The following GET1 variants were observed in gnomAD, a reference collection of about 807,000 sequenced individuals.
The protein encoded by GET1 is congenital heart disease 5 protein.
GET1 carries 20 observed loss-of-function variants against 22.6 expected under a neutral mutation model. The observed-to-expected ratio is 0.89, with a 90% CI of 0.62 to 1.29. GET1 has a LOEUF of 1.29. GET1 is among the 50% of genes most tolerant of loss of function. The pLI, the probability that GET1 is intolerant of heterozygous loss-of-function variation, is 0.00. For missense variants in GET1, 209 were observed against 219.9 expected (o/e 0.95, Z 0.31); for synonymous variants, 92 against 83.8 (o/e 1.10, Z -0.53).
At chr21:39,417,921 A>C (rs1006345261) in intron 1 of GET1, among the ~76,000 whole-genome samples, 1 of 152,084 alleles carries the variant, frequency 6.6e-6, no homozygotes, top group African/African-American at 2.4e-5. Context: ...GCCCGCCACC[A>C]TGCCTGGTTA....
chr21:39,391,885 C>T (rs2038319868), intron 3 of GET1, 49 bp downstream of exon 3: 1 of 1,586,324 alleles, frequency 6.3e-7, no homozygotes, highest in African/African-American at 1.3e-5. Flanking sequence ...GTGACCCCGG[C>T]CTCCAGAGCC....
At chr21:39,385,699 G>A (rs1242066881) in intron 1 of GET1, among the ~76,000 whole-genome samples, 1 of 151,546 alleles carries the variant, frequency 6.6e-6, no homozygotes, top group African/African-American at 2.4e-5. Context: ...CTACGCAGGC[G>A]TCGCAGGACT....
chr21:39,383,374 C>T (rs561517656), intron 1 of GET1, among the ~76,000 whole-genome samples: 19 of 151,894 alleles, frequency 1.3e-4, no homozygotes, highest in South Asian at 4.2e-4. Context: ...CTCTGCCCCC[C>T]GAGTTCAAGA....
At chr21:39,385,252 G>A (rs2037808635) in intron 1 of GET1, among the ~76,000 whole-genome samples, 1 of 152,106 alleles carries the variant, frequency 6.6e-6, no homozygotes, top group Admixed American at 6.6e-5. Flanking sequence ...AGTTAGGGAG[G>A]CAGCACCCCG....
downstream of GET1, chr21:39,411,005 C>T (rs1294669561): frequency 2.0e-5 from 9 of 457,342 alleles, no homozygotes; most frequent in Middle Eastern, 3.3e-4. Context: ...AAGCAGTGCA[C>T]GTGCTCTTGA....
chr21:39,407,769 C>G (rs531583109), downstream of GET1: 1 of 152,274 alleles, frequency 6.6e-6, no homozygotes, highest in East Asian at 1.9e-4. Flanking sequence ...AAGTATTTGT[C>G]AAATGAATGG....
At position 39,380,466 on chromosome 21, in the gene GET1, C is replaced by T. The variant is rs1030563207; in HGVS notation, c.82C>T (p.Leu28Phe). The T allele has an allele frequency of 1.2e-6, 2 of 1,612,912 alleles. No individual in the cohort carries two copies. Among genetic ancestry groups the T allele is most frequent in the South Asian group, 1.1e-5 (1 of 90,682 alleles). ...VFGCNVLRILLPSFSSFMSRV... is the reference protein window; with the variant it reads ...VFGCNVLRILFPSFSSFMSRV... ...TGGATGCAATGTTCTTAGGATCCTC[C>T]TCCCGTCCTTCTCATCCTTCGTAAG... Residue 28 changes from leucine to phenylalanine, a missense_variant, in exon 1 of 5, where the codon CTC (leucine) becomes TTC (phenylalanine). Transcript: ENST00000649170.
intron 4 of GET1, among the ~76,000 whole-genome samples, chr21:39,395,346 T>C (rs1370298442): frequency 1.3e-5 from 2 of 149,698 alleles, no homozygotes; most frequent in African/African-American, 4.9e-5. Context: ...TAGAGGTGAA[T>C]ACTGTATCAA....
chr21:39,391,962 G>A, intron 3 of GET1, 126 bp downstream of exon 3: 4 of 852,618 alleles, frequency 4.7e-6, no homozygotes, highest in South Asian at 4.2e-5. Flanking sequence ...GTGTGTCCCT[G>A]CCCACATGGA....
chr21:39,384,670 C>A (rs1417761215), intron 1 of GET1, among the ~76,000 whole-genome samples: 1 of 151,766 alleles, frequency 6.6e-6, no homozygotes, highest in Non-Finnish European at 1.5e-5. Flanking sequence ...TTTCGTCACC[C>A]AGTTATTAAG....
At chr21:39,422,959 G>C in intron 1 of GET1, 1 of 1,609,122 alleles carries the variant, frequency 6.2e-7, no homozygotes, top group Non-Finnish European at 8.5e-7. Context: ...AACTGTCTGG[G>C]CCCCTGAAAT....
intron 4 of GET1, 128 bp downstream of exon 4, chr21:39,393,408 C>T (rs374704894): frequency 1.4e-6 from 1 of 721,892 alleles, no homozygotes; most frequent in Non-Finnish European, 2.3e-6. Context: ...TGTGTCTCAG[C>T]CTCACATGAG....
chr21:39,392,371 A>G (rs1442343910), intron 3 of GET1, among the ~76,000 whole-genome samples: 1 of 152,038 alleles, frequency 6.6e-6, no homozygotes, highest in East Asian at 1.9e-4. Flanking sequence ...AGACACCTTT[A>G]GCAGCTGCCG....
chr21:39,405,235 T>C (rs1023220797), intron 4 of GET1, among the ~76,000 whole-genome samples: 5 of 152,202 alleles, frequency 3.3e-5, no homozygotes, highest in Non-Finnish European at 7.3e-5. Flanking sequence ...CTCACTCCGA[T>C]TGCCCAAGCT....
At chr21:39,404,183 T>C (rs2038927731) in intron 4 of GET1, among the ~76,000 whole-genome samples, 1 of 152,236 alleles carries the variant, frequency 6.6e-6, no homozygotes, top group African/African-American at 2.4e-5. Flanking sequence ...GCTGGGAGTA[T>C]AGCCTCCTTT....
Position 39,393,205 on chromosome 21 carries a change from G to A in GET1, c.376G>A (p.Val126Ile), listed in dbSNP as rs150225709. ...CTCACTCATTTGGAAGTATTATTCT[G>A]TCCCTGTGGCTGTCGTGCCGAGTAA... ...MISLIWKYYS[V>I]PVAVVPSKWI... Residue 126 changes from valine (V) to isoleucine (I), a missense_variant, in exon 4 of 5, where the codon GTC (valine) becomes ATC (isoleucine). By Grantham distance (29) the Val-to-Ile change is conservative. Coordinates refer to ENST00000649170, the MANE Select transcript of GET1 (RefSeq NM_004627.6). 8.2e-5 allele frequency: 132 copies of A among 1,614,172 alleles called. No homozygotes were observed. The African/African-American group carries it at 1.5e-3, about 18-fold the overall frequency.
chr21:39,417,790 G>C (rs2041497961), intron 1 of GET1, among the ~76,000 whole-genome samples: 1 of 151,754 alleles, frequency 6.6e-6, no homozygotes, highest in South Asian at 2.1e-4. Flanking sequence ...TTTTGAGATG[G>C]AGTCTCGCTC....
chr21:39,420,450 G>A (rs958894538), intron 1 of GET1, among the ~76,000 whole-genome samples: 1 of 143,262 alleles, frequency 7.0e-6, no homozygotes, highest in African/African-American at 2.6e-5. Flanking sequence ...TTGAACCTGG[G>A]AGGCAGAGGC....
intron 4 of GET1, among the ~76,000 whole-genome samples, chr21:39,404,176 G>A (rs1056487032): frequency 6.6e-6 from 1 of 152,212 alleles, no homozygotes; most frequent in Non-Finnish European, 1.5e-5. Flanking sequence ...AAGTGAGGCT[G>A]GGAGTATAGC....
Sources: allele counts gnomAD v4.1 joint callset (sites outside exome capture counted in the v4.1 genomes callset), GRCh38; gene constraint gnomAD v4.1.1; transcripts MANE v1.5; gene names NCBI Gene and HGNC (gene_info 2026-07-23, HGNC 2026-07-21).